ZNF385D: variants seen among roughly 807,000 people sequenced by gnomAD.
The protein encoded by ZNF385D is zinc finger protein 659.
A neutral mutation model predicts 35.8 loss-of-function variants in ZNF385D; 15 were observed. The ratio of observed to expected loss-of-function variants is 0.42; its 90% CI spans 0.28 to 0.64. ZNF385D has a LOEUF of 0.64. ZNF385D is among the 30% of genes least tolerant of loss of function. ZNF385D has a pLI of 0.23. For synonymous variants in ZNF385D, 212 were observed against 186.8 expected (o/e 1.13, Z -1.10); for missense variants, 474 against 494.6 (o/e 0.96, Z 0.39).
chr3:22,048,054 C>T (rs1156504501), intron 3 of ZNF385D, among the ~76,000 whole-genome samples: 2 of 152,042 alleles, frequency 1.3e-5, no homozygotes, highest in Admixed American at 6.6e-5. Flanking sequence ...TTTTGAGAAA[C>T]ATCCATTCAT....
At position 21,449,611 on chromosome 3, in the gene ZNF385D, G is replaced by A. The variant is rs1422996078; in HGVS notation, c.440-12408C>T. The stretch of plus-strand genomic sequence containing the variant: ...TAAAAGCTAGCACTGTGAGTAAATT[G>A]TTTTGCTTCATAGGTCATGTTTTAA... On this transcript the variant is annotated intron_variant, in intron 4 of 7. Coordinates refer to ENST00000281523, the MANE Select transcript of ZNF385D (RefSeq NM_024697.3). Among the ~76,000 whole-genome samples the A allele has an allele frequency of 6.1e-4, 93 of 152,208 alleles. 2 individuals are homozygous for A. The highest frequency in any genetic ancestry group is 6.1e-3 in the Admixed American group (93 of 15,270).
intron 2 of ZNF385D, among the ~76,000 whole-genome samples, chr3:22,348,610 A>G (rs183344919): frequency 2.8e-4 from 42 of 147,474 alleles, no homozygotes; most frequent in African/African-American, 9.7e-4. Context: ...AGTTGCGGTG[A>G]GCCGAGATCA....
At chr3:22,043,938 T>G (rs1270819902) in intron 3 of ZNF385D, among the ~76,000 whole-genome samples, 4 of 151,970 alleles carry the variant, frequency 2.6e-5, no homozygotes, top group African/African-American at 9.7e-5. Context: ...AGCAAGGACT[T>G]GAAGTCCACA....
chr3:21,750,961 TCTC>T lies in ZNF385D; in HGVS notation c.-48_-46del, dbSNP rs1452607375. On this transcript the variant is annotated 5_prime_UTR_variant, in exon 1 of 8. Coordinates refer to ENST00000281523, the MANE Select transcript of ZNF385D (RefSeq NM_024697.3). ...CCACCGCGGTGTCTTCAGCATCAGC[TCTC>T]ACCCAAGGCTGGCACGTAGAGCAGA... 3.1e-6 allele frequency: 5 copies of T among 1,613,736 alleles called. No homozygotes were observed. Among genetic ancestry groups the T allele is most frequent in the Non-Finnish European group, 4.2e-6 (5 of 1,179,954 alleles).
At chr3:21,483,918 CT>C (rs903687671) in intron 4 of ZNF385D, among the ~76,000 whole-genome samples, 3 of 151,256 alleles carry the variant, frequency 2.0e-5, no homozygotes, top group African/African-American at 4.9e-5. Context: ...TCCAATTTAT[CT>C]TTTTTTTTCT....
intron 2 of ZNF385D, among the ~76,000 whole-genome samples, chr3:22,200,679 T>C (rs753763128): frequency 6.6e-6 from 1 of 152,048 alleles, no homozygotes; most frequent in Non-Finnish European, 1.5e-5. Flanking sequence ...GGGAGCACTA[T>C]GGGAGACTGG....
intron 2 of ZNF385D, among the ~76,000 whole-genome samples, chr3:21,636,398 A>ATGAT (rs1185514797): frequency 1.3e-3 from 54 of 40,842 alleles, no homozygotes; most frequent in African/African-American, 2.0e-3. Flanking sequence ...ATATATATAT[A>ATGAT]TATATATATA....
At chr3:21,498,212 T>A (rs1420763248) in intron 4 of ZNF385D, among the ~76,000 whole-genome samples, 1 of 151,974 alleles carries the variant, frequency 6.6e-6, no homozygotes, top group Non-Finnish European at 1.5e-5. Flanking sequence ...TATAGAAAAA[T>A]CAACTCAAGA....
chr3:21,787,981 AAGAG>A (rs1559622276), intron 3 of ZNF385D, among the ~76,000 whole-genome samples: 8 of 104,960 alleles, frequency 7.6e-5, no homozygotes, highest in East Asian at 4.4e-4. Context: ...AAAAAAAAAA[AAGAG>A]AGAGAGAGAG....
intron 2 of ZNF385D, among the ~76,000 whole-genome samples, chr3:22,172,544 T>C (rs771827481): frequency 6.6e-6 from 1 of 152,190 alleles, no homozygotes. Flanking sequence ...GCTGTTGGTA[T>C]CAAGACTGCC....
chr3:21,865,439 A>T (rs73040507), intron 3 of ZNF385D, among the ~76,000 whole-genome samples: 1 of 152,060 alleles, frequency 6.6e-6, no homozygotes, highest in Non-Finnish European at 1.5e-5. Flanking sequence ...CCATATTATT[A>T]TTAAGGCATT....
At chr3:22,079,509 A>G (rs989089302) in intron 3 of ZNF385D, among the ~76,000 whole-genome samples, 1 of 151,994 alleles carries the variant, frequency 6.6e-6, no homozygotes, top group African/African-American at 2.4e-5. Flanking sequence ...AAGTGAATTA[A>G]TGGTAATTAC....
At chr3:21,951,113 T>C (rs961973258) in intron 3 of ZNF385D, among the ~76,000 whole-genome samples, 8 of 151,732 alleles carry the variant, frequency 5.3e-5, no homozygotes, top group African/African-American at 1.7e-4. Flanking sequence ...GGGGATAGCA[T>C]TGAATCTATA....
intron 2 of ZNF385D, among the ~76,000 whole-genome samples, chr3:22,300,297 G>A (rs373016778): frequency 9.2e-5 from 14 of 151,672 alleles, no homozygotes; most frequent in Non-Finnish European, 1.6e-4. Flanking sequence ...ACTCAAAATA[G>A]ATTAAAGACT....
intron 3 of ZNF385D, among the ~76,000 whole-genome samples, chr3:21,839,544 T>C (rs1695533176): frequency 6.6e-6 from 1 of 152,084 alleles, no homozygotes; most frequent in African/African-American, 2.4e-5. Context: ...AGAAACTCTA[T>C]TAGGCAAGAG....
At chr3:22,026,887 G>C (rs573352103) in intron 3 of ZNF385D, among the ~76,000 whole-genome samples, 12 of 152,230 alleles carry the variant, frequency 7.9e-5, no homozygotes, top group Non-Finnish European at 1.2e-4. Flanking sequence ...AGAAGACAGA[G>C]GGATCTTGGA....
intron 3 of ZNF385D, among the ~76,000 whole-genome samples, chr3:21,517,110 A>C (rs898377748): frequency 6.6e-6 from 1 of 151,898 alleles, no homozygotes; most frequent in Non-Finnish European, 1.5e-5. Flanking sequence ...AATGTTGATA[A>C]TATATATTAC....
intron 3 of ZNF385D, among the ~76,000 whole-genome samples, chr3:21,914,410 CTT>C (rs1700101128): frequency 2.3e-5 from 3 of 131,078 alleles, no homozygotes; most frequent in Admixed American, 1.5e-4. Flanking sequence ...GGTCTTATCT[CTT>C]TTTTTCAAAT....
At chr3:21,701,170 C>T (rs1293318582) in intron 1 of ZNF385D, among the ~76,000 whole-genome samples, 1 of 152,164 alleles carries the variant, frequency 6.6e-6, no homozygotes. Context: ...ATGTGTTGTC[C>T]ATTTTCATGT....
Sources: allele counts gnomAD v4.1 joint callset (sites outside exome capture counted in the v4.1 genomes callset), GRCh38; gene constraint gnomAD v4.1.1; transcripts MANE v1.5; gene names NCBI Gene and HGNC (gene_info 2026-07-23, HGNC 2026-07-21).